The following MID2 variants were observed in gnomAD, a reference collection of about 807,000 sequenced individuals.
The protein encoded by MID2 is probable E3 ubiquitin-protein ligase MID2.
A neutral mutation model predicts 46.1 loss-of-function variants in MID2; 13 were observed. That is an observed-to-expected ratio of 0.28 (90% CI 0.18 to 0.45). The LOEUF (loss-of-function observed/expected upper bound fraction) is 0.45, where lower values mean the gene tolerates loss of function less well. MID2 is among the 20% of genes least tolerant of loss of function. MID2 has a pLI of 1.00. For missense variants in MID2, 431 were observed against 575.4 expected, an observed-to-expected ratio of 0.75 and a Z score of 2.57; for synonymous variants, 199 against 212.3, an observed-to-expected ratio of 0.94 and a Z score of 0.55.
intron 3 of MID2, among the ~76,000 whole-genome samples, chrX:107,877,812 T>C (rs1932232139): frequency 9.0e-6 from 1 of 111,223 alleles, no homozygotes; most frequent in Non-Finnish European, 1.9e-5. Context: ...TTTTCCTTTC[T>C]AGGGCTTCAA....
intron 1 of MID2, among the ~76,000 whole-genome samples, chrX:107,834,206 G>C (rs753355919): frequency 2.7e-5 from 3 of 111,495 alleles, no homozygotes; most frequent in Non-Finnish European, 5.7e-5. Context: ...TTTTTTCAGA[G>C]GTCTCACCCT....
In MID2 at chrX:107,927,603, C is replaced by T. The variant is rs774736870; in HGVS notation, c.*530C>T. On this transcript the variant is annotated 3_prime_UTR_variant, in exon 10 of 10. Transcript: ENST00000262843. ...GTGTATATGTAATATATAAAGTGAA[C>T]ATATATGTACTTTATATATATTCAC... Among the ~76,000 whole-genome samples, 1 of 111,430 alleles carries T rather than the reference C, an allele frequency of 9.0e-6. No homozygotes were observed. The highest frequency in any genetic ancestry group is 3.7e-4 in the South Asian group (1 of 2,680).
chrX:107,910,245 T>C (rs764651808), intron 5 of MID2, among the ~76,000 whole-genome samples: 38 of 111,921 alleles, frequency 3.4e-4, no homozygotes, highest in Non-Finnish European at 7.0e-4. Context: ...TGCGAGATCA[T>C]ATGGTATTTG....
At chrX:107,923,624 C>T (rs1933112948) in intron 7 of MID2, among the ~76,000 whole-genome samples, 1 of 110,922 alleles carries the variant, frequency 9.0e-6, no homozygotes, top group African/African-American at 3.3e-5. Context: ...TCTTTGGCTT[C>T]CCTACGGTAC....
chrX:107,862,343 T>A (rs1931878084), intron 3 of MID2, among the ~76,000 whole-genome samples: 3 of 111,581 alleles, frequency 2.7e-5, no homozygotes, highest in Non-Finnish European at 5.6e-5. Context: ...GAACAATCAT[T>A]CCCAAATACT....
At chrX:107,909,066 G>C (rs939848227) in intron 5 of MID2, among the ~76,000 whole-genome samples, 9 of 111,283 alleles carry the variant, frequency 8.1e-5, no homozygotes, top group Admixed American at 6.7e-4. Context: ...CTGGATATCA[G>C]ACTTGTTAAT....
intron 3 of MID2, among the ~76,000 whole-genome samples, chrX:107,888,125 T>G (rs1189578783): frequency 8.9e-6 from 1 of 112,048 alleles, no homozygotes; most frequent in Non-Finnish European, 1.9e-5. Flanking sequence ...TCTATTTCCT[T>G]CAGTTCTGCT....
chrX:107,926,875 A>C lies in MID2; in HGVS notation c.2010A>C (p.Pro670=), dbSNP rs1477844027. The change falls in exon 10 of 10, where the codon CCA becomes CCC. Residue 670 remains proline, a synonymous_variant. Coordinates refer to ENST00000262843, the MANE Select transcript of MID2 (RefSeq NM_012216.4). ...YDNNMLSFYD[P]ANSLHLHTFD... is the part of the protein sequence containing the mutation. The stretch of plus-strand genomic sequence containing the variant: ...ACAATATGCTGTCTTTCTATGACCC[A>C]GCTAACTCTCTCCATCTTCATACTT... The C allele has an allele frequency of 8.3e-7, 1 of 1,209,231 alleles. No individual in the cohort carries two copies. The highest frequency in any genetic ancestry group is 1.1e-6 in the Non-Finnish European group (1 of 894,412).
intron 1 of MID2, among the ~76,000 whole-genome samples, chrX:107,839,233 T>C (rs937181106): frequency 8.9e-6 from 1 of 111,811 alleles, no homozygotes; most frequent in South Asian, 3.7e-4. Context: ...TATTTATGTG[T>C]GTGTATTTTA....
At chrX:107,886,265 T>G (rs1403483701) in intron 3 of MID2, among the ~76,000 whole-genome samples, 1 of 112,283 alleles carries the variant, frequency 8.9e-6, no homozygotes, top group Admixed American at 9.4e-5. Flanking sequence ...GGTCTAACAT[T>G]TAAGTCTTTA....
chrX:107,842,617 T>C (rs1174376804), intron 2 of MID2, among the ~76,000 whole-genome samples: 2 of 112,272 alleles, frequency 1.8e-5, no homozygotes, highest in African/African-American at 6.5e-5. Flanking sequence ...TGTAATTTGT[T>C]GCAAATAATA....
chrX:107,916,440 G>A (rs1199456600), intron 6 of MID2, among the ~76,000 whole-genome samples: 1 of 111,878 alleles, frequency 8.9e-6, no homozygotes, highest in Non-Finnish European at 1.9e-5. Flanking sequence ...TATGAGAGTA[G>A]AACTCAGGTG....
At chrX:107,896,345 C>T (rs1932734218) in intron 3 of MID2, 1 of 111,967 alleles carries the variant, frequency 8.9e-6, no homozygotes, top group Non-Finnish European at 1.9e-5. Flanking sequence ...GCCTGGACAA[C>T]AGAGCAAGAC....
chrX:107,906,441 C>T (rs1276236477), intron 5 of MID2, among the ~76,000 whole-genome samples: 1 of 112,165 alleles, frequency 8.9e-6, no homozygotes, highest in East Asian at 2.8e-4. Flanking sequence ...CAGTGACTCT[C>T]ACCTCAGAGC....
At chrX:107,869,833 T>TA (rs201969595) in intron 3 of MID2, among the ~76,000 whole-genome samples, 22 of 107,214 alleles carry the variant, frequency 2.1e-4, no homozygotes, top group East Asian at 2.9e-4. Context: ...ACCTTATATT[T>TA]AAAAAAAAAA....
intron 3 of MID2, among the ~76,000 whole-genome samples, chrX:107,885,081 G>A (rs1043739449): frequency 3.8e-4 from 40 of 104,365 alleles, no homozygotes; most frequent in African/African-American, 1.3e-3. Context: ...TTTTGTTTTT[G>A]TTTTTTTTCC....
At position 107,832,218 on chromosome X, in the gene MID2, T is replaced by C. The variant is rs563115701; in HGVS notation, c.4+5788T>C. Among the ~76,000 whole-genome samples, 4 of 111,944 alleles carry C rather than the reference T, an allele frequency of 3.6e-5. No homozygotes were observed. In the South Asian group the frequency reaches 1.5e-3, roughly 43 times the overall value. ...GTAATCAGCCTCCAGTTCTGAGTTC[T>C]CCCTGTGCAGGATGAAAGTTTAAGA... is the stretch of plus-strand genomic sequence containing the variant. On this transcript the variant is annotated intron_variant, in intron 1 of 9. Coordinates refer to ENST00000262843, the MANE Select transcript of MID2 (RefSeq NM_012216.4).
chrX:107,844,318 T>C (rs1049119849), intron 2 of MID2, among the ~76,000 whole-genome samples: 24 of 111,524 alleles, frequency 2.2e-4, no homozygotes, highest in African/African-American at 5.5e-4. Context: ...GCAGGACACA[T>C]GTCTTTCAGC....
intron 3 of MID2, chrX:107,894,551 G>T (rs951314681): frequency 1.8e-5 from 2 of 111,602 alleles, no homozygotes; most frequent in African/African-American, 6.5e-5. Context: ...AGAGAAATTT[G>T]TCTCATGTAA....
Sources: gnomAD v4.1 joint callset for allele counts (sites outside exome capture counted in the v4.1 genomes callset) on GRCh38, gnomAD v4.1.1 for gene constraint, MANE v1.5 for transcripts, NCBI Gene and HGNC (gene_info 2026-07-23, HGNC 2026-07-21) for gene names.